The following ZNF254 variants were observed in gnomAD, a reference collection of about 807,000 sequenced individuals.
ZNF254 encodes the protein zinc finger protein 254.
ZNF254 carries 10 observed loss-of-function variants against 12.4 expected under a neutral mutation model. The observed-to-expected ratio is 0.80, with a 90% CI of 0.50 to 1.36. The LOEUF (loss-of-function observed/expected upper bound fraction) is 1.36, where lower values mean the gene tolerates loss of function less well. Ranked by LOEUF, ZNF254 falls within the 40% of genes most tolerant of loss-of-function variation. ZNF254 has a pLI of 0.00. For missense variants in ZNF254, 996 were observed against 763.9 expected, an observed-to-expected ratio of 1.30 and a Z score of -3.58; for synonymous variants, 305 against 253.4, an observed-to-expected ratio of 1.20 and a Z score of -1.93.
Position 24,128,028 on chromosome 19 carries a change from G to C in ZNF254, c.*48G>C. ...AACCCTCAATTCTTAATAGATATAA[G>C]ATTATTCCTACTGGAGAGAAACTAC... On this transcript the variant is annotated 3_prime_UTR_variant, in exon 4 of 4. Transcript: ENST00000357002. 1 of 1,476,822 alleles carries C rather than the reference G, an allele frequency of 6.8e-7. No homozygotes were observed. The highest frequency in any genetic ancestry group is 1.5e-5 in the South Asian group (1 of 65,936). The allele number at this position is 1,476,822 out of a possible 1,614,324, so 91.5% of individuals were successfully genotyped here. A position where few individuals can be genotyped will look rare whatever the true frequency, so the allele number is the denominator to read the frequency against.
intron 3 of ZNF254, among the ~76,000 whole-genome samples, chr19:24,124,702 T>G (rs1327980369): frequency 6.6e-6 from 1 of 152,110 alleles, no homozygotes; most frequent in African/African-American, 2.4e-5. Context: ...GCCTGCAAAA[T>G]TTTTGTTAAC....
chr19:24,070,860 G>A (rs1971454675), intron 2 of ZNF254, among the ~76,000 whole-genome samples: 1 of 152,116 alleles, frequency 6.6e-6, no homozygotes, highest in Admixed American at 6.5e-5. Context: ...ACTGGTCCCT[G>A]CACCCAGGTA....
At chr19:24,105,266 T>C (rs989028599) in intron 1 of ZNF254, 8 of 169,092 alleles carry the variant, frequency 4.7e-5, no homozygotes, top group African/African-American at 1.4e-4. Context: ...CCTTTTGTTT[T>C]TTGTCTTTTT....
At chr19:24,106,438 T>G (rs1480341494) in intron 2 of ZNF254, 110 bp from the exon 3 acceptor site, 1 of 817,854 alleles carries the variant, frequency 1.2e-6, no homozygotes, top group Non-Finnish European at 1.8e-6. Flanking sequence ...ATTAGTGTAT[T>G]AGAATAACTT....
At chr19:24,046,696 G>A (rs1188069347) in intron 2 of ZNF254, among the ~76,000 whole-genome samples, 1 of 151,982 alleles carries the variant, frequency 6.6e-6, no homozygotes, top group African/African-American at 2.4e-5. Flanking sequence ...CAATTATTTC[G>A]CATATCTCAT....
intron 2 of ZNF254, among the ~76,000 whole-genome samples, chr19:24,077,828 A>G (rs1479113483): frequency 1.3e-5 from 2 of 152,106 alleles, no homozygotes; most frequent in African/African-American, 4.8e-5. Flanking sequence ...GGTGACAGGC[A>G]GGTTCCTGGA....
At chr19:24,121,526 A>T (rs961435497) in intron 3 of ZNF254, among the ~76,000 whole-genome samples, 2 of 145,576 alleles carry the variant, frequency 1.4e-5, no homozygotes, top group Non-Finnish European at 3.0e-5. Context: ...GTAGAATTAT[A>T]TCTGTTTGTT....
intron 1 of ZNF254, among the ~76,000 whole-genome samples, chr19:24,091,600 C>T (rs1972388075): frequency 6.6e-6 from 1 of 152,074 alleles, no homozygotes. Context: ...TCAAGTGATT[C>T]TCCTTCCTCA....
intron 3 of ZNF254, among the ~76,000 whole-genome samples, chr19:24,122,899 C>T (rs1974582751): frequency 6.6e-6 from 1 of 152,122 alleles, no homozygotes; most frequent in African/African-American, 2.4e-5. Flanking sequence ...TCTACTTTTT[C>T]ACCTTTATAC....
chr19:24,092,434 A>G (rs1241937274), intron 1 of ZNF254, among the ~76,000 whole-genome samples: 1 of 151,916 alleles, frequency 6.6e-6, no homozygotes, highest in Non-Finnish European at 1.5e-5. Context: ...CGGCCTCCCA[A>G]AGTGCTGGGA....
At chr19:24,066,137 C>G (rs1476139298) in intron 2 of ZNF254, 2 of 152,086 alleles carry the variant, frequency 1.3e-5, no homozygotes, top group Non-Finnish European at 2.9e-5. Flanking sequence ...CTCTGCATTC[C>G]TCATCCAGGA....
chr19:24,057,627 T>G (rs1396750582), intron 2 of ZNF254, among the ~76,000 whole-genome samples: 1 of 152,204 alleles, frequency 6.6e-6, no homozygotes, highest in East Asian at 1.9e-4. Flanking sequence ...ATGAATACAA[T>G]CCACTGGATG....
intron 1 of ZNF254, among the ~76,000 whole-genome samples, chr19:24,039,782 G>C (rs1352487191): frequency 6.6e-6 from 1 of 152,226 alleles, no homozygotes; most frequent in Non-Finnish European, 1.5e-5. Context: ...GAGTTGCACA[G>C]AAGACTTGGG....
intron 2 of ZNF254, among the ~76,000 whole-genome samples, chr19:24,056,375 G>T (rs2145361431): frequency 6.6e-6 from 1 of 152,246 alleles, no homozygotes; most frequent in South Asian, 2.1e-4. Flanking sequence ...CCTGGTCCCT[G>T]CTCACAGAGG....
At chr19:24,088,025 C>T (rs1300874604) in intron 1 of ZNF254, among the ~76,000 whole-genome samples, 4 of 149,454 alleles carry the variant, frequency 2.7e-5, no homozygotes, top group African/African-American at 9.8e-5. Flanking sequence ...AAGCGATTCT[C>T]CTGCCTCAGC....
chr19:24,078,199 G>A (rs1362252595), intron 2 of ZNF254, among the ~76,000 whole-genome samples: 1 of 152,104 alleles, frequency 6.6e-6, no homozygotes, highest in Non-Finnish European at 1.5e-5. Flanking sequence ...CACCACACAC[G>A]GCTGATTTTT....
intron 2 of ZNF254, among the ~76,000 whole-genome samples, chr19:24,081,965 A>T (rs758690458): frequency 1.3e-5 from 2 of 152,108 alleles, no homozygotes; most frequent in East Asian, 3.9e-4. Context: ...TCTACTAAAA[A>T]TACAAAAATT....
At chr19:24,094,148 G>T (rs1056269910) in intron 1 of ZNF254, among the ~76,000 whole-genome samples, 1 of 152,212 alleles carries the variant, frequency 6.6e-6, no homozygotes, top group African/African-American at 2.4e-5. Context: ...GCAGTTGTTT[G>T]TAAGTTAAAG....
chr19:24,040,058 G>A (rs1008446805), intron 1 of ZNF254, among the ~76,000 whole-genome samples: 2 of 152,148 alleles, frequency 1.3e-5, no homozygotes, highest in Non-Finnish European at 2.9e-5. Flanking sequence ...AGAAAAGATA[G>A]AACACAAAAT....
Sources: allele counts gnomAD v4.1 joint callset (sites outside exome capture counted in the v4.1 genomes callset), GRCh38; gene constraint gnomAD v4.1.1; transcripts MANE v1.5; gene names NCBI Gene and HGNC (gene_info 2026-07-23, HGNC 2026-07-21).